SCARB2: variants seen among roughly 807,000 people sequenced by gnomAD.
The protein encoded by SCARB2 is lysosome membrane protein 2.
In SCARB2, 29 loss-of-function variants were observed where a neutral mutation model predicts 58.6. That is an observed-to-expected ratio of 0.49 (90% CI 0.37 to 0.67). The LOEUF is 0.67. SCARB2 is among the 30% of genes least tolerant of loss of function. The pLI, the probability that SCARB2 is intolerant of heterozygous loss-of-function variation, is 0.00. For missense variants in SCARB2, 488 were observed against 578.5 expected, an observed-to-expected ratio of 0.84 and a Z score of 1.60; for synonymous variants, 195 against 210.1, an observed-to-expected ratio of 0.93 and a Z score of 0.62.
At chr4:76,166,019 G>T (rs756331374) in intron 10 of SCARB2, 45 of 603,382 alleles carry the variant, frequency 7.5e-5, no homozygotes, top group Admixed American at 1.4e-4. Flanking sequence ...AGGGAGTTTT[G>T]CCCAAATAGT....
intron 1 of SCARB2, among the ~76,000 whole-genome samples, chr4:76,227,177 C>A (rs1733413003): frequency 6.6e-6 from 1 of 152,116 alleles, no homozygotes; most frequent in South Asian, 2.1e-4. Flanking sequence ...ATGAACTTTC[C>A]TCTTAGCACC....
chr4:76,171,219 T>C (rs1232382380), intron 7 of SCARB2, among the ~76,000 whole-genome samples: 3 of 152,128 alleles, frequency 2.0e-5, no homozygotes, highest in Non-Finnish European at 4.4e-5. Context: ...ACTTCCTTCT[T>C]TGTGACCTAT....
At chr4:76,166,710 T>A (rs1397483696) in intron 9 of SCARB2, 2 of 268,198 alleles carry the variant, frequency 7.5e-6, no homozygotes, top group African/African-American at 4.4e-5. Context: ...TGGGATATTA[T>A]CTCATTCAAT....
At chr4:76,170,971 T>TATATATAA (rs34900504) in intron 7 of SCARB2, among the ~76,000 whole-genome samples, 17 of 133,892 alleles carry the variant, frequency 1.3e-4, no homozygotes, top group Admixed American at 3.1e-4. Context: ...TATATATATA[T>TATATATAA]AACCAAATAG....
chr4:76,211,535 A>C (rs1578742152), intron 1 of SCARB2, among the ~76,000 whole-genome samples: 1 of 152,252 alleles, frequency 6.6e-6, no homozygotes, highest in East Asian at 1.9e-4. Context: ...TATAAGAATT[A>C]TTTGACAAAG....
At chr4:76,178,362 C>T (rs543070302) in intron 4 of SCARB2, among the ~76,000 whole-genome samples, 7 of 152,176 alleles carry the variant, frequency 4.6e-5, no homozygotes, top group Non-Finnish European at 1.0e-4. Context: ...GAAATCCTCA[C>T]AACCACATAA....
intron 1 of SCARB2, among the ~76,000 whole-genome samples, chr4:76,201,564 A>C (rs150282217): frequency 2.8e-4 from 43 of 152,372 alleles, no homozygotes; most frequent in African/African-American, 1.0e-3. Context: ...AATGCCGCAT[A>C]TTCTAAATAA....
chr4:76,166,635 G>GTAC, intron 9 of SCARB2: 1 of 409,476 alleles, frequency 2.4e-6, no homozygotes, highest in Non-Finnish European at 4.6e-6. Context: ...GGCCACTGAA[G>GTAC]TACTGTCTTT....
At chr4:76,220,929 T>C (rs1733295352) in intron 1 of SCARB2, among the ~76,000 whole-genome samples, 1 of 152,138 alleles carries the variant, frequency 6.6e-6, no homozygotes, top group Admixed American at 6.5e-5. Flanking sequence ...GCGGAGTCAG[T>C]ACACACACTC....
rs1437716624 is a variant in SCARB2, at chr4:76,213,455, T to G, written c.89A>C (p.Gln30Pro). Residue 30 changes from glutamine to proline, a missense_variant, in exon 1 of 12, where the codon CAG becomes CCG. By Grantham distance (76) the Gln-to-Pro change is moderately conservative. Coordinates refer to ENST00000264896, the MANE Select transcript of SCARB2 (RefSeq NM_005506.4). ...SVTLLVARVF[Q>P]KAVDQSIEKK... Reference sequence around the variant, plus strand: ...CTCGATACTCTGGTCTACAGCCTTCTGGAAGACCCGGGCCACCAGCAGCGT... The same window carrying G: ...CTCGATACTCTGGTCTACAGCCTTCGGGAAGACCCGGGCCACCAGCAGCGT... The G allele has an allele frequency of 6.2e-7, 1 of 1,610,594 alleles. No individual in the cohort carries two copies. The highest frequency in any genetic ancestry group is 1.1e-5 in the South Asian group (1 of 90,336).
intron 7 of SCARB2, among the ~76,000 whole-genome samples, chr4:76,171,999 T>A (rs1257245892): frequency 6.7e-6 from 1 of 149,366 alleles, no homozygotes; most frequent in South Asian, 2.1e-4. Context: ...CGTGTGTGTG[T>A]ATACCTATAT....
chr4:76,199,046 A>C (rs1226136526), intron 1 of SCARB2, among the ~76,000 whole-genome samples: 1 of 152,194 alleles, frequency 6.6e-6, no homozygotes, highest in East Asian at 1.9e-4. Context: ...CGCCAGCTGC[A>C]ATCTACTGTG....
At chr4:76,215,696 C>T (rs1733193689), upstream of SCARB2, among the ~76,000 whole-genome samples, 1 of 152,090 alleles carries the variant, frequency 6.6e-6, no homozygotes, top group African/African-American at 2.4e-5. Context: ...CTTGGAGCCT[C>T]AAGTCACCCC....
intron 7 of SCARB2, chr4:76,173,430 A>G (rs1013002380): frequency 1.3e-5 from 2 of 152,592 alleles, no homozygotes; most frequent in African/African-American, 4.8e-5. Flanking sequence ...TCCTGGGTTC[A>G]AGCAATCTCT....
At chr4:76,162,019 T>C (rs1731910002) in intron 11 of SCARB2, 2 of 531,646 alleles carry the variant, frequency 3.8e-6, no homozygotes, top group Non-Finnish European at 6.8e-6. Flanking sequence ...AAACTTAGAC[T>C]CTATTCAACT....
At chr4:76,218,888 A>G (rs1226811981) in intron 1 of SCARB2, among the ~76,000 whole-genome samples, 1 of 152,202 alleles carries the variant, frequency 6.6e-6, no homozygotes, top group South Asian at 2.1e-4. Context: ...TACTTGTACA[A>G]GCACTATGCT....
chr4:76,200,350 C>T (rs1732804687), intron 1 of SCARB2, among the ~76,000 whole-genome samples: 1 of 152,192 alleles, frequency 6.6e-6, no homozygotes, highest in African/African-American at 2.4e-5. Flanking sequence ...TTAGTTTTAA[C>T]CAAGACGAAC....
intron 2 of SCARB2, among the ~76,000 whole-genome samples, chr4:76,184,381 A>C (rs1378258003): frequency 6.6e-6 from 1 of 152,252 alleles, no homozygotes; most frequent in Non-Finnish European, 1.5e-5. Flanking sequence ...GAATATATTT[A>C]AAAATTTGAT....
At chr4:76,213,992 G>T (rs563020838), upstream of SCARB2, 55 of 213,628 alleles carry the variant, frequency 2.6e-4, no homozygotes, top group African/African-American at 1.1e-3. Flanking sequence ...GTCCCCGGTG[G>T]CCCTGAGTGG....
Sources: gnomAD v4.1 joint callset for allele counts (sites outside exome capture counted in the v4.1 genomes callset) on GRCh38, gnomAD v4.1.1 for gene constraint, MANE v1.5 for transcripts, NCBI Gene and HGNC (gene_info 2026-07-23, HGNC 2026-07-21) for gene names.